The following MICAL2 variants were observed in gnomAD, a reference collection of about 807,000 sequenced individuals.
The protein encoded by MICAL2 is [F-actin]-monooxygenase MICAL2.
In MICAL2, 77 loss-of-function variants were observed where a neutral mutation model predicts 127.3. That is an observed-to-expected ratio of 0.60 (90% confidence interval 0.50 to 0.73). The LOEUF is 0.73. Among genes scored for constraint, MICAL2 ranks in the 30% least tolerant of loss-of-function variants. The probability of loss-of-function intolerance (pLI) is 0.00; values close to 1 mark genes in which losing one functional copy is unlikely to be tolerated. For missense variants in MICAL2, 1,351 were observed against 1,434.4 expected, an observed-to-expected ratio of 0.94 and a Z score of 0.94; for synonymous variants, 570 against 551.1, an observed-to-expected ratio of 1.03 and a Z score of -0.48.
At chr11:12,310,568 T>C (rs2134822107) in intron 29 of MICAL2, among the ~76,000 whole-genome samples, 1 of 152,322 alleles carries the variant, frequency 6.6e-6, no homozygotes, top group Admixed American at 6.5e-5. Flanking sequence ...TGCTTTTGGT[T>C]ACTATAGCTT....
chr11:12,348,806 T>G (rs192622415), intron 32 of MICAL2, among the ~76,000 whole-genome samples: 143 of 152,304 alleles, frequency 9.4e-4, no homozygotes, highest in African/African-American at 3.3e-3. Context: ...GTGGTGATGA[T>G]AAGTGTATCT....
chr11:12,168,485 T>C (rs540902283), intron 3 of MICAL2, among the ~76,000 whole-genome samples: 27 of 150,832 alleles, frequency 1.8e-4, no homozygotes, highest in Admixed American at 7.9e-4. Flanking sequence ...TATACACACA[T>C]ATACATGCAT....
intron 32 of MICAL2, among the ~76,000 whole-genome samples, chr11:12,342,857 C>G (rs573949954): frequency 6.6e-6 from 1 of 152,326 alleles, no homozygotes; most frequent in African/African-American, 2.4e-5. Context: ...TCACTTTGCT[C>G]TATTGCATTT....
At chr11:12,293,127 A>G (rs1230563579), downstream of MICAL2, among the ~76,000 whole-genome samples, 1 of 152,230 alleles carries the variant, frequency 6.6e-6, no homozygotes, top group Non-Finnish European at 1.5e-5. Context: ...TTGGAGGAAC[A>G]TACCTATGGG....
At chr11:12,194,040 T>C (rs142833171) in intron 3 of MICAL2, among the ~76,000 whole-genome samples, 1 of 152,356 alleles carries the variant, frequency 6.6e-6, no homozygotes, top group East Asian at 1.9e-4. Context: ...GGCAATAATA[T>C]GGAAGACACT....
At chr11:12,220,028 C>T (rs1228436931) in intron 8 of MICAL2, among the ~76,000 whole-genome samples, 173 bp from the exon 9 acceptor site, 1 of 152,210 alleles carries the variant, frequency 6.6e-6, no homozygotes, top group African/African-American at 2.4e-5. Flanking sequence ...CCGTGTTAAC[C>T]CTCACAGCTG....
downstream of MICAL2, chr11:12,292,277 G>C: frequency 6.2e-7 from 1 of 1,614,122 alleles, no homozygotes; most frequent in East Asian, 2.2e-5. Flanking sequence ...GAATGCTCCA[G>C]ATGGTTCCTC....
At chr11:12,311,821 T>A (rs942257408) in intron 29 of MICAL2, among the ~76,000 whole-genome samples, 5 of 152,194 alleles carry the variant, frequency 3.3e-5, no homozygotes, top group African/African-American at 1.2e-4. Flanking sequence ...TTAATATTGG[T>A]GACATTTTTA....
chr11:12,252,042 G>T (rs1489573027), intron 22 of MICAL2, among the ~76,000 whole-genome samples: 1 of 152,206 alleles, frequency 6.6e-6, no homozygotes, highest in Non-Finnish European at 1.5e-5. Flanking sequence ...TGCCAGTGGA[G>T]GCAGTCACAC....
intron 1 of MICAL2, among the ~76,000 whole-genome samples, chr11:12,137,683 T>G (rs1253739987): frequency 1.3e-5 from 2 of 152,196 alleles, no homozygotes; most frequent in Admixed American, 6.5e-5. Flanking sequence ...GAATATTGCC[T>G]CTTATAGATG....
intron 2 of MICAL2, among the ~76,000 whole-genome samples, chr11:12,284,986 A>C (rs1863809358): frequency 6.6e-6 from 1 of 152,330 alleles, no homozygotes; most frequent in Admixed American, 6.5e-5. Flanking sequence ...AAAGAGTTTA[A>C]TTTACACAGA....
At chr11:12,326,593 G>A (rs979835501) in intron 31 of MICAL2, among the ~76,000 whole-genome samples, 19 of 152,114 alleles carry the variant, frequency 1.2e-4, no homozygotes, top group Admixed American at 9.8e-4. Context: ...ATGAAAGAAC[G>A]CTGGGCATCT....
intron 3 of MICAL2, among the ~76,000 whole-genome samples, chr11:12,181,343 C>T (rs1857456501): frequency 6.6e-6 from 1 of 152,158 alleles, no homozygotes; most frequent in African/African-American, 2.4e-5. Context: ...AGAATTTCAC[C>T]TTTGTTTATT....
intron 9 of MICAL2, 103 bp from the exon 10 acceptor site, chr11:12,221,541 A>G: frequency 2.7e-6 from 2 of 741,840 alleles, no homozygotes. Flanking sequence ...CTGTCCCTCC[A>G]GTGCCCTGCA....
chr11:12,139,953 A>G (rs191701567), intron 2 of MICAL2, among the ~76,000 whole-genome samples: 107 of 152,194 alleles, frequency 7.0e-4, no homozygotes, highest in African/African-American at 2.5e-3. Context: ...CATCCATTCA[A>G]TCCAGGCTTG....
At chr11:12,187,093 C>T (rs1047443961) in intron 3 of MICAL2, among the ~76,000 whole-genome samples, 1 of 152,228 alleles carries the variant, frequency 6.6e-6, no homozygotes, top group Non-Finnish European at 1.5e-5. Flanking sequence ...TGTGTCCCCT[C>T]TGCTCTCTCC....
intron 32 of MICAL2, among the ~76,000 whole-genome samples, chr11:12,340,793 A>G (rs1323781439): frequency 6.6e-6 from 1 of 152,254 alleles, no homozygotes; most frequent in East Asian, 1.9e-4. Flanking sequence ...ATAGTATAAT[A>G]CAATTTCACT....
intron 3 of MICAL2, among the ~76,000 whole-genome samples, chr11:12,173,769 A>G (rs1168169759): frequency 2.0e-5 from 3 of 152,136 alleles, no homozygotes; most frequent in South Asian, 2.1e-4. Flanking sequence ...GTAATATTTC[A>G]TGTAAGTGGA....
At chr11:12,289,035 C>T (rs1863861158), downstream of MICAL2, among the ~76,000 whole-genome samples, 1 of 152,248 alleles carries the variant, frequency 6.6e-6, no homozygotes, top group Non-Finnish European at 1.5e-5. Context: ...TGGCCCCAAG[C>T]CCCAGGTGGG....
Sources: gnomAD v4.1 joint callset for allele counts (sites outside exome capture counted in the v4.1 genomes callset) on GRCh38, gnomAD v4.1.1 for gene constraint, MANE v1.5 for transcripts, NCBI Gene and HGNC (gene_info 2026-07-23, HGNC 2026-07-21) for gene names.